The following GRAMD1B variants were observed in gnomAD, a reference collection of about 807,000 sequenced individuals.
GRAMD1B encodes protein Aster-B.
GRAMD1B carries 37 observed loss-of-function variants against 99.7 expected under a neutral mutation model. The ratio of observed to expected loss-of-function variants is 0.37; its 90% CI spans 0.29 to 0.49. GRAMD1B has a LOEUF of 0.49. GRAMD1B is among the 20% of genes least tolerant of loss of function. The pLI is 0.98. For missense variants in GRAMD1B, 888 were observed against 1,009.2 expected (o/e 0.88, Z 1.63); for synonymous variants, 427 against 387.6 (o/e 1.10, Z -1.19).
At chr11:123,578,747 C>A (rs1045340250) in intron 3 of GRAMD1B, among the ~76,000 whole-genome samples, 2 of 152,168 alleles carry the variant, frequency 1.3e-5, no homozygotes, top group Non-Finnish European at 2.9e-5. Flanking sequence ...GAAACAGAGC[C>A]CTGCCTGGCG....
In GRAMD1B at chr11:123,625,432, C is replaced by G. The variant is rs942207115; in HGVS notation, c.*2837C>G. The stretch of plus-strand genomic sequence containing the variant: ...AGCTATAGGATCTAAAGTTCCATTA[C>G]AGCTTACTGTGAAAGAATTGACAAG... On this transcript the variant is annotated 3_prime_UTR_variant, in exon 20 of 20. Transcript: ENST00000635736. 2 of 152,206 alleles carry G rather than the reference C, an allele frequency of 1.3e-5. No homozygotes were observed. Among genetic ancestry groups the G allele is most frequent in the African/African-American group, 4.8e-5 (2 of 41,454 alleles). The allele number at this position is 152,206 out of a possible 1,614,324, so 9.4% of individuals were successfully genotyped here.
chr11:123,407,463 A>G (rs1287341410), intron 1 of GRAMD1B, among the ~76,000 whole-genome samples: 1 of 152,214 alleles, frequency 6.6e-6, no homozygotes, highest in Non-Finnish European at 1.5e-5. Context: ...TGTTTGGATC[A>G]GGTGAAACCT....
upstream of GRAMD1B, among the ~76,000 whole-genome samples, chr11:123,430,191 GC>G (rs1219762853): frequency 6.6e-6 from 1 of 151,806 alleles, no homozygotes; most frequent in Non-Finnish European, 1.5e-5. Context: ...ATTCAGGATA[GC>G]CCCCCTCACC....
intron 2 of GRAMD1B, among the ~76,000 whole-genome samples, chr11:123,563,087 C>T (rs1429769161): frequency 6.6e-6 from 1 of 152,136 alleles, no homozygotes; most frequent in Non-Finnish European, 1.5e-5. Context: ...AGGGAGCCAT[C>T]GCCATGTTAA....
At chr11:123,599,962 T>C (rs947634083) in intron 7 of GRAMD1B, among the ~76,000 whole-genome samples, 4 of 152,236 alleles carry the variant, frequency 2.6e-5, no homozygotes, top group African/African-American at 9.6e-5. Context: ...TTTCTTTCTG[T>C]CTGTTTAATG....
Position 123,403,013 on chromosome 11 carries a change from G to A in GRAMD1B, c.-176+44214G>A, listed in dbSNP as rs190787308. On this transcript the variant is annotated intron_variant, in intron 1 of 20. Transcript: ENST00000638157. ...TTACTGTAAAATAAAACATAGATAC[G>A]GGAAAGAGTACACATGACACAGAAC... Among the ~76,000 whole-genome samples, 11 of 151,456 alleles carry A rather than the reference G, an allele frequency of 7.3e-5. No individual in the cohort carries two copies. The East Asian group carries it at 7.7e-4, about 11-fold the overall frequency.
intron 2 of GRAMD1B, among the ~76,000 whole-genome samples, chr11:123,554,393 T>C (rs550130874): frequency 4.4e-4 from 67 of 151,972 alleles, no homozygotes; most frequent in Non-Finnish European, 8.2e-4. Context: ...GAAAATTTAA[T>C]ATTAAGAATC....
At chr11:123,572,893 G>A (rs1163206235) in intron 2 of GRAMD1B, among the ~76,000 whole-genome samples, 4 of 149,978 alleles carry the variant, frequency 2.7e-5, no homozygotes, top group African/African-American at 9.9e-5. Flanking sequence ...TGGGACAGGG[G>A]CGCAGGTAGA....
chr11:123,447,369 C>T (rs1447849229), intron 1 of GRAMD1B, among the ~76,000 whole-genome samples: 1 of 152,154 alleles, frequency 6.6e-6, no homozygotes, highest in Non-Finnish European at 1.5e-5. Context: ...ATCTAGAATA[C>T]AGGTCTCCGG....
upstream of GRAMD1B, among the ~76,000 whole-genome samples, chr11:123,429,212 A>AAACAC (rs140974281): frequency 2.8e-3 from 421 of 152,046 alleles, no homozygotes; most frequent in Middle Eastern, 0.014. This position sits in a 1 kb window ranked among gnomAD's most constrained non-coding sequence, Gnocchi z 4.0. Context: ...AAACAAAACA[A>AAACAC]AACAGTTACT....
chr11:123,514,728 G>A (rs1480474439), intron 2 of GRAMD1B, among the ~76,000 whole-genome samples: 2 of 152,208 alleles, frequency 1.3e-5, no homozygotes, highest in East Asian at 3.8e-4. Context: ...AACAGCTGAA[G>A]GACTTCGAGG....
chr11:123,474,260 T>C (rs1432472897), intron 1 of GRAMD1B, among the ~76,000 whole-genome samples: 1 of 136,564 alleles, frequency 7.3e-6, no homozygotes, highest in East Asian at 2.0e-4. Context: ...TTTTAACTTT[T>C]AATTTTTTTT....
rs1298712618 is a variant in GRAMD1B, at chr11:123,430,780, G to A, written c.-13G>A. ...GCGGAGGGCTCAGGGGGAGCGCAGAGGCGACGGCCCCCATGCCGGCGGCCA... is the reference window on the plus strand; with the variant it reads ...GCGGAGGGCTCAGGGGGAGCGCAGAAGCGACGGCCCCCATGCCGGCGGCCA... On this transcript the variant is annotated 5_prime_UTR_variant, in exon 1 of 20. Transcript: ENST00000635736. 4.5e-6 allele frequency: 3 copies of A among 667,168 alleles called. No individual in the cohort carries two copies. Among genetic ancestry groups the A allele is most frequent in the Admixed American group, 2.2e-5 (1 of 45,976 alleles). The allele number at this position is 667,168 out of a possible 1,614,324, so 41.3% of individuals were successfully genotyped here. A position where few individuals can be genotyped will look rare whatever the true frequency, so the allele number is the denominator to read the frequency against.
At chr11:123,378,612 T>C (rs551296209) in intron 1 of GRAMD1B, among the ~76,000 whole-genome samples, 1 of 152,298 alleles carries the variant, frequency 6.6e-6, no homozygotes, top group African/African-American at 2.4e-5. Flanking sequence ...CCCAAGGATA[T>C]AGCAGAGACC....
rs538004887 is a variant in GRAMD1B at position 123,391,487 on chromosome 11, C to T, written c.-176+32688C>T. On this transcript the variant is annotated intron_variant, in intron 1 of 20. Transcript: ENST00000638157. ...TTTGTTTGTTTGAGAGAGAGAGTCT[C>T]GTTCTGTCACCCAGGCTGGAGTGCA... Among the ~76,000 whole-genome samples, 30 of 152,252 alleles carry T rather than the reference C, an allele frequency of 2.0e-4. No homozygotes were observed. In the South Asian group the frequency reaches 5.6e-3, roughly 28 times the overall value.
chr11:123,553,655 G>C (rs1342483135), intron 2 of GRAMD1B, among the ~76,000 whole-genome samples: 1 of 152,196 alleles, frequency 6.6e-6, no homozygotes, highest in Non-Finnish European at 1.5e-5. Context: ...AGCTGGGTCA[G>C]AGGCAATCAG....
At chr11:123,594,009 C>T in intron 4 of GRAMD1B, 73 bp from the exon 5 acceptor site, 1 of 1,004,512 alleles carries the variant, frequency 1.0e-6, no homozygotes, top group Non-Finnish European at 1.6e-6. Flanking sequence ...AGCAAGTGCT[C>T]CTCATCTTGC....
intron 2 of GRAMD1B, among the ~76,000 whole-genome samples, chr11:123,551,672 G>A (rs185995593): frequency 6.6e-6 from 1 of 152,264 alleles, no homozygotes; most frequent in East Asian, 1.9e-4. Context: ...ACTCTAATTT[G>A]CATAATTAAG....
chr11:123,547,134 T>C (rs1313989440), intron 2 of GRAMD1B, among the ~76,000 whole-genome samples: 1 of 152,220 alleles, frequency 6.6e-6, no homozygotes, highest in Non-Finnish European at 1.5e-5. Flanking sequence ...ATACCTGCTT[T>C]GGGTGGAAAT....
Sources: allele counts gnomAD v4.1 joint callset (sites outside exome capture counted in the v4.1 genomes callset), GRCh38; gene constraint gnomAD v4.1.1; non-coding constraint Gnocchi (gnomAD v3.1); transcripts MANE v1.5; gene names NCBI Gene and HGNC (gene_info 2026-07-23, HGNC 2026-07-21).